CFLAR: variants seen among roughly 807,000 people sequenced by gnomAD.
CFLAR encodes CASP8 and FADD like apoptosis regulator, also known as CASP8 and FADD-like apoptosis regulator.
CFLAR carries 14 observed loss-of-function variants against 51.1 expected under a neutral mutation model. The observed-to-expected ratio is 0.27, with a 90% CI of 0.18 to 0.43. The LOEUF (loss-of-function observed/expected upper bound fraction) is 0.43, where lower values mean the gene tolerates loss of function less well. Ranked by LOEUF, CFLAR falls within the 20% of genes least tolerant of loss-of-function variation. The pLI, the probability that CFLAR is intolerant of heterozygous loss-of-function variation, is 1.00. For missense variants in CFLAR, 390 were observed against 566.5 expected, an observed-to-expected ratio of 0.69 and a Z score of 3.16; for synonymous variants, 210 against 211.6, an observed-to-expected ratio of 0.99 and a Z score of 0.06.
chr2:201,140,032 C>T (rs1185981097), intron 4 of CFLAR: 4 of 316,442 alleles, frequency 1.3e-5, no homozygotes, highest in African/African-American at 4.6e-5. Flanking sequence ...CCTCATGCTG[C>T]CGCGAGACCC....
chr2:201,148,798 T>C (rs1940744012), intron 6 of CFLAR: 2 of 499,866 alleles, frequency 4.0e-6, no homozygotes, highest in East Asian at 3.4e-5. Context: ...AGATAGCCCC[T>C]GATAGCACTG....
At chr2:201,137,877 T>A in intron 4 of CFLAR, 1 of 808,198 alleles carries the variant, frequency 1.2e-6, no homozygotes, top group Non-Finnish European at 2.2e-6. Context: ...GCCGGGGGCC[T>A]CCATGGTGGC....
At position 201,167,487 on chromosome 2, in the gene CFLAR, C is replaced by CAA. The variant is rs1414665791; in HGVS notation, c.*3515_*3516insAA. ...CACCACTGCACTTCAGCATGGGAGA[C>CAA]AGAGTGAGACCCTGTTTCAGAAAAA... is the stretch of plus-strand genomic sequence containing the variant. On this transcript the variant is annotated 3_prime_UTR_variant, in exon 10 of 10. Transcript: ENST00000309955. The CAA allele has an allele frequency of 2.0e-5, 3 of 152,302 alleles. No homozygotes were observed. In the East Asian group the frequency reaches 5.8e-4, roughly 29 times the overall value. The allele number at this position is 152,302 out of a possible 1,614,324, so 9.4% of individuals were successfully genotyped here.
chr2:201,155,303 C>T (rs1453674074), intron 8 of CFLAR, among the ~76,000 whole-genome samples: 1 of 151,492 alleles, frequency 6.6e-6, no homozygotes. Flanking sequence ...CGCTCTGTCA[C>T]CCAGGCTACT....
At chr2:201,161,029 GC>G in intron 9 of CFLAR, 87 bp downstream of exon 9, 2 of 919,144 alleles carry the variant, frequency 2.2e-6, no homozygotes, top group Non-Finnish European at 3.4e-6. Flanking sequence ...CACATTTGCT[GC>G]CCATCTCTTC....
chr2:201,163,369 T>A (rs1418141673), intron 9 of CFLAR: 1 of 1,149,710 alleles, frequency 8.7e-7, no homozygotes, highest in Non-Finnish European at 1.1e-6. Flanking sequence ...AATTACAATT[T>A]AGAATGATGT....
intron 8 of CFLAR, among the ~76,000 whole-genome samples, chr2:201,155,155 A>G (rs973106835): frequency 1.3e-5 from 2 of 152,196 alleles, no homozygotes; most frequent in African/African-American, 4.8e-5. Flanking sequence ...ATATAGAAGC[A>G]AGCGTCTCAC....
chr2:201,148,175 T>C (rs1940610692), intron 6 of CFLAR: 1 of 152,246 alleles, frequency 6.6e-6, no homozygotes, highest in African/African-American at 2.4e-5. Flanking sequence ...CTCCAGATTC[T>C]TTTATATTTA....
chr2:201,148,531 T>G (rs1249274831), intron 6 of CFLAR: 1 of 153,152 alleles, frequency 6.5e-6, no homozygotes, highest in Non-Finnish European at 1.5e-5. Flanking sequence ...TCTCCCAGTA[T>G]CACTGGACTA....
chr2:201,133,266 T>TAA, intron 3 of CFLAR, 132 bp downstream of exon 3: 1 of 622,416 alleles, frequency 1.6e-6, no homozygotes, highest in Admixed American at 2.7e-5. Context: ...AGGTGGCTTT[T>TAA]AAACAACATG....
intron 1 of CFLAR, among the ~76,000 whole-genome samples, chr2:201,127,679 C>T (rs183268259): frequency 4.1e-4 from 62 of 152,304 alleles, no homozygotes; most frequent in Non-Finnish European, 6.8e-4. Flanking sequence ...CATACACACA[C>T]GCTGCTATTT....
chr2:201,145,810 A>G (rs1447583386), intron 6 of CFLAR: 3 of 173,784 alleles, frequency 1.7e-5, no homozygotes, highest in African/African-American at 7.1e-5. Context: ...TTCTTGTCTT[A>G]CAGCCTATTT....
chr2:201,145,825 A>G (rs993760998), intron 6 of CFLAR: 2 of 168,064 alleles, frequency 1.2e-5, no homozygotes, highest in Non-Finnish European at 2.6e-5. Flanking sequence ...CTATTTAATA[A>G]ATCTGGATAC....
Position 201,166,142 on chromosome 2 carries a change from C to T in CFLAR, c.*2169C>T. On this transcript the variant is annotated 3_prime_UTR_variant, in exon 10 of 10. Transcript: ENST00000309955. ...GGCTGGGCAGAGGGGCTCCTCACTTCCCAGATGGGGCGGCCAGGCGGACGC... is the reference window on the plus strand; with the variant it reads ...GGCTGGGCAGAGGGGCTCCTCACTTTCCAGATGGGGCGGCCAGGCGGACGC... 1.2e-5 allele frequency: 2 copies of T among 168,990 alleles called. No homozygotes were observed. The highest frequency in any genetic ancestry group is 1.4e-4 in the South Asian group (1 of 7,298). 10.5% of individuals were successfully genotyped at this position (168,990 alleles called of 1,614,324 possible).
chr2:201,155,670 A>G (rs1385099270), intron 8 of CFLAR, among the ~76,000 whole-genome samples: 1 of 151,594 alleles, frequency 6.6e-6, no homozygotes, highest in East Asian at 1.9e-4. Context: ...ATCACCCAGA[A>G]TGGAGCACAG....
Position 201,160,413 on chromosome 2 carries a change from T to C in CFLAR, c.794-19T>C, listed in dbSNP as rs753819474. The stretch of plus-strand genomic sequence containing the variant: ...TCACTCCAGTGTTGTTTTCCGTGTT[T>C]GTTTTTTGTTTTCCCCAGAGCTTCT... On this transcript the variant is annotated intron_variant, in intron 8 of 9. Coordinates refer to ENST00000309955, the MANE Select transcript of CFLAR (RefSeq NM_003879.7). The C allele has an allele frequency of 6.2e-7, 1 of 1,605,264 alleles. No individual in the cohort carries two copies. The highest frequency in any genetic ancestry group is 1.7e-4 in the Middle Eastern group (1 of 6,044).
chr2:201,135,482 T>C (rs1430272306), intron 3 of CFLAR, among the ~76,000 whole-genome samples: 2 of 152,198 alleles, frequency 1.3e-5, no homozygotes, highest in African/African-American at 4.8e-5. Context: ...CCACCTCTGT[T>C]CTGAGTAAAA....
chr2:201,121,396 T>C (rs2048174398), intron 1 of CFLAR, among the ~76,000 whole-genome samples: 1 of 152,112 alleles, frequency 6.6e-6, no homozygotes, highest in Non-Finnish European at 1.5e-5. Context: ...TCTATCCCTT[T>C]AACCTGGGCC....
At chr2:201,153,719 C>G (rs1043723799) in intron 8 of CFLAR, 2 of 152,110 alleles carry the variant, frequency 1.3e-5, no homozygotes, top group Non-Finnish European at 2.9e-5. Flanking sequence ...CTAGGCATAG[C>G]TGTGCTCAGA....
Sources: allele counts gnomAD v4.1 joint callset (sites outside exome capture counted in the v4.1 genomes callset), GRCh38; gene constraint gnomAD v4.1.1; transcripts MANE v1.5; gene names NCBI Gene and HGNC (gene_info 2026-07-23, HGNC 2026-07-21).